GIMAP8: variants seen among roughly 807,000 people sequenced by gnomAD.
GIMAP8 encodes the protein GTPase IMAP family member 8.
A neutral mutation model predicts 35.6 loss-of-function variants in GIMAP8; 29 were observed. The ratio of observed to expected loss-of-function variants is 0.81; its 90% CI spans 0.61 to 1.11. The LOEUF (loss-of-function observed/expected upper bound fraction) is 1.11. GIMAP8 is among the 50% of genes most tolerant of loss of function. The pLI is 0.00. For synonymous variants in GIMAP8, 335 were observed against 308.7 expected (o/e 1.09, Z -0.89); for missense variants, 811 against 805.0 (o/e 1.01, Z -0.09).
At chr7:150,475,293 A>G (rs1585120851) in intron 4 of GIMAP8, among the ~76,000 whole-genome samples, 1 of 152,258 alleles carries the variant, frequency 6.6e-6, no homozygotes, top group Non-Finnish European at 1.5e-5. Context: ...GAAACAAAAA[A>G]GAAGTTGAAA....
rs552924270 is a variant in GIMAP8 at position 150,478,130 on chromosome 7, T to G, written c.*350T>G. The G allele has an allele frequency of 4.2e-5, 11 of 264,884 alleles. No homozygotes were observed. Among genetic ancestry groups the G allele is most frequent in the Non-Finnish European group, 6.5e-5 (9 of 138,856 alleles). 16.4% of individuals were successfully genotyped at this position (264,884 alleles called of 1,614,324 possible). On this transcript the variant is annotated 3_prime_UTR_variant, in exon 5 of 5. Coordinates refer to ENST00000307271, the MANE Select transcript of GIMAP8 (RefSeq NM_175571.4). ...CACTGTGATCAAGGCTGAGGCCACC[T>G]GGGATGAGAATATAGATAGTCGTAC...
rs1801606770 is a variant in GIMAP8, at chr7:150,451,481, G to A, written c.-29+306G>A. Reference sequence around the variant, plus strand: ...CCCAGCCTGCTGGGGAGTAGATTCGGCAGGATGGGGACAGAGGCATATTCC... The same window carrying A: ...CCCAGCCTGCTGGGGAGTAGATTCGACAGGATGGGGACAGAGGCATATTCC... On this transcript the variant is annotated intron_variant, in intron 1 of 4. Transcript: ENST00000307271. This position sits in a 1 kb window ranked among gnomAD's most constrained non-coding sequence, Gnocchi z 4.1. Among the ~76,000 whole-genome samples the A allele has an allele frequency of 6.6e-6, 1 of 152,142 alleles. No homozygotes were observed. Among genetic ancestry groups the A allele is most frequent in the African/African-American group, 2.4e-5 (1 of 41,428 alleles).
At chr7:150,455,526 C>T (rs892881776) in intron 1 of GIMAP8, among the ~76,000 whole-genome samples, 2 of 152,188 alleles carry the variant, frequency 1.3e-5, no homozygotes, top group East Asian at 1.9e-4. Flanking sequence ...TGTGGACCTA[C>T]GGGCACTTGG....
chr7:150,477,976 A>T lies in GIMAP8; in HGVS notation c.*196A>T. 1 of 575,252 alleles carries T rather than the reference A, an allele frequency of 1.7e-6. No homozygotes were observed. The highest frequency in any genetic ancestry group is 3.1e-6 in the Non-Finnish European group (1 of 325,136). 35.6% of individuals were successfully genotyped at this position (575,252 alleles called of 1,614,324 possible). On this transcript the variant is annotated 3_prime_UTR_variant, in exon 5 of 5. Transcript: ENST00000307271. ...AGGTGGGGGCGAATAGTAGGGTATT[A>T]TAAAGGAGAAAGAAGATACAAGGTG... is the stretch of plus-strand genomic sequence containing the variant.
chr7:150,470,768 T>C (rs1213121153), intron 2 of GIMAP8, 61 bp from the exon 3 acceptor site: 4 of 521,946 alleles, frequency 7.7e-6, no homozygotes, highest in South Asian at 6.3e-5. Context: ...TTTTTTTTTT[T>C]CAGTTTGTGG....
rs745688280 is a variant in GIMAP8 at position 150,472,306 on chromosome 7, T to C, written c.682+1432T>C. On this transcript the variant is annotated intron_variant, in intron 3 of 4. Coordinates refer to ENST00000307271, the MANE Select transcript of GIMAP8 (RefSeq NM_175571.4). This position sits in a 1 kb window ranked among gnomAD's most constrained non-coding sequence, Gnocchi z 4.1. ...AGTGGGGGGTAGTTCCACAATGAAG[T>C]GTTTGAATAATTCTTCTGTCCAAGG... Among the ~76,000 whole-genome samples, 4 of 152,262 alleles carry C rather than the reference T, an allele frequency of 2.6e-5. No individual in the cohort carries two copies. Among genetic ancestry groups the C allele is most frequent in the Non-Finnish European group, 5.9e-5 (4 of 68,014 alleles).
chr7:150,473,626 A>G (rs1038312076), intron 3 of GIMAP8, among the ~76,000 whole-genome samples: 1 of 151,022 alleles, frequency 6.6e-6, no homozygotes, highest in African/African-American at 2.4e-5. Flanking sequence ...TATACCACCA[A>G]GGGGCATTTG....
chr7:150,456,284 T>C (rs1171234616), intron 1 of GIMAP8, among the ~76,000 whole-genome samples: 1 of 152,206 alleles, frequency 6.6e-6, no homozygotes, highest in African/African-American at 2.4e-5. Flanking sequence ...TCAAAAGTGC[T>C]GAAATCAAGG....
intron 2 of GIMAP8, among the ~76,000 whole-genome samples, chr7:150,467,753 T>C (rs1406799049): frequency 6.6e-6 from 1 of 152,196 alleles, no homozygotes; most frequent in East Asian, 1.9e-4. Flanking sequence ...CAGGGCTTGG[T>C]TCTGGCCTTC....
rs897340459 is a variant in GIMAP8, at chr7:150,477,732, G to A, written c.1950G>A (p.Met650Ile). The change falls in exon 5 of 5, where the codon ATG becomes ATA. Residue 650 changes from methionine (M) to isoleucine (I), a missense_variant. Met to Ile is a conservative substitution (Grantham distance 10, BLOSUM62 1). Transcript: ENST00000307271. ...AACTAATTAAAAATGTCCAGGAAAT[G>A]TCCCAAGCCGAAAAACTCCTTAAAA... The part of the protein sequence containing the change: ...VSKLIKNVQE[M>I]SQAEKLLKNL... 8 of 1,613,426 alleles carry A rather than the reference G, an allele frequency of 5.0e-6. No homozygotes were observed. Among genetic ancestry groups the A allele is most frequent in the Non-Finnish European group, 5.9e-6 (7 of 1,179,910 alleles).
intron 1 of GIMAP8, among the ~76,000 whole-genome samples, chr7:150,456,349 T>A (rs1471177196): frequency 6.6e-6 from 1 of 152,188 alleles, no homozygotes; most frequent in Non-Finnish European, 1.5e-5. Context: ...ATCCATTTCC[T>A]CACCTTTTCC....
At chr7:150,473,917 C>A in intron 3 of GIMAP8, 95 bp from the exon 4 acceptor site, 1 of 1,299,208 alleles carries the variant, frequency 7.7e-7, no homozygotes, top group South Asian at 1.4e-5. Flanking sequence ...TTGCCATTCT[C>A]TATACAAGTT....
intron 1 of GIMAP8, among the ~76,000 whole-genome samples, chr7:150,453,369 C>T (rs1801660854): frequency 6.6e-6 from 1 of 152,196 alleles, no homozygotes; most frequent in Non-Finnish European, 1.5e-5. Flanking sequence ...GCCGTGCAGC[C>T]ATCCAGATGA....
At chr7:150,464,811 ATTCT>A (rs1383501577) in intron 1 of GIMAP8, among the ~76,000 whole-genome samples, 2 of 152,246 alleles carry the variant, frequency 1.3e-5, no homozygotes, top group East Asian at 3.8e-4. Flanking sequence ...AATATACCAA[ATTCT>A]TTAGAATAAA....
intron 1 of GIMAP8, among the ~76,000 whole-genome samples, chr7:150,460,306 A>G (rs1010253531): frequency 5.9e-5 from 9 of 152,160 alleles, no homozygotes; most frequent in East Asian, 3.8e-4. Flanking sequence ...ATGGGACTAA[A>G]TGTCTTCATG....
chr7:150,477,183 G>A lies in GIMAP8; in HGVS notation c.1401G>A (p.Arg467=). ...TGGGGAGCCTCGTCTTCACCTCTCG[G>A]CTCCGGGCCCAGCCAGTCACCAAGA... is the stretch of plus-strand genomic sequence containing the variant. The part of the protein sequence containing the change: ...SILGSLVFTS[R]LRAQPVTKTS... The change falls in exon 5 of 5, where the codon CGG becomes CGA. Residue 467 remains arginine (R), a synonymous_variant. Coordinates refer to ENST00000307271, the MANE Select transcript of GIMAP8 (RefSeq NM_175571.4). 1 of 1,614,108 alleles carries A rather than the reference G, an allele frequency of 6.2e-7. No individual in the cohort carries two copies. Among genetic ancestry groups the A allele is most frequent in the Non-Finnish European group, 8.5e-7 (1 of 1,180,022 alleles).
In GIMAP8 at chr7:150,477,163, A is replaced by C. The variant is rs200837107; in HGVS notation, c.1381A>C (p.Ser461Arg). The C allele has an allele frequency of 8.5e-5, 137 of 1,613,836 alleles. No homozygotes were observed. Among genetic ancestry groups the C allele is most frequent in the Non-Finnish European group, 1.0e-4 (118 of 1,179,972 alleles). ...TGCGACCGGGAACTCTATCCTGGGG[A>C]GCCTCGTCTTCACCTCTCGGCTCCG... The part of the protein sequence containing the change: ...KSATGNSILG[S>R]LVFTSRLRAQ... Residue 461 changes from serine to arginine, a missense_variant, in exon 5 of 5, where the codon AGC (serine) becomes CGC (arginine). Transcript: ENST00000307271.
At position 150,466,982 on chromosome 7, in the gene GIMAP8, A is replaced by C; in HGVS notation, c.284A>C (p.His95Pro). 1 of 1,614,240 alleles carries C rather than the reference A, an allele frequency of 6.2e-7. No homozygotes were observed. The highest frequency in any genetic ancestry group is 1.3e-5 in the African/African-American group (1 of 75,068). ...HCLELSAPSL[H>P]ALLLVIAIGH... Reference sequence around the variant, plus strand: ...TTGGAGCTCTCTGCTCCCAGCCTCCATGCTCTGCTCTTGGTAATTGCCATC... The same window carrying C: ...TTGGAGCTCTCTGCTCCCAGCCTCCCTGCTCTGCTCTTGGTAATTGCCATC... The change falls in exon 2 of 5, where the codon CAT becomes CCT. Residue 95 changes from histidine (H) to proline (P), a missense_variant. Physicochemically the swap from His to Pro is moderately conservative, Grantham distance 77. Transcript: ENST00000307271.
chr7:150,474,144 C>T lies in GIMAP8; in HGVS notation c.815C>T (p.Ala272Val), dbSNP rs762612299. Reference sequence around the variant, plus strand: ...GGAAACAGCATTCTGGGGAGGCAGGCCTTTCAGACCGGATTTAGTGAGCAG... The same window carrying T: ...GGAAACAGCATTCTGGGGAGGCAGGTCTTTCAGACCGGATTTAGTGAGCAG... ...AAGNSILGRQ[A>V]FQTGFSEQSV... is the part of the protein sequence containing the mutation. Residue 272 changes from alanine to valine, a missense_variant, in exon 4 of 5, where the codon GCC becomes GTC. Coordinates refer to ENST00000307271, the MANE Select transcript of GIMAP8 (RefSeq NM_175571.4). The T allele has an allele frequency of 3.7e-6, 6 of 1,614,152 alleles. No individual in the cohort carries two copies. The highest frequency in any genetic ancestry group is 5.1e-6 in the Non-Finnish European group (6 of 1,180,022).
Sources: gnomAD v4.1 joint callset for allele counts (sites outside exome capture counted in the v4.1 genomes callset) on GRCh38, gnomAD v4.1.1 for gene constraint, Gnocchi (gnomAD v3.1) non-coding constraint, MANE v1.5 for transcripts, NCBI Gene and HGNC (gene_info 2026-07-23, HGNC 2026-07-21) for gene names.